FCHSD2: variants seen among roughly 807,000 people sequenced by gnomAD.
FCHSD2 encodes FCH and double SH3 domains 2, also known as F-BAR and double SH3 domains protein 2.
FCHSD2 carries 38 observed loss-of-function variants against 108.1 expected under a neutral mutation model. That is an observed-to-expected ratio of 0.35 (90% CI 0.27 to 0.46). The LOEUF (loss-of-function observed/expected upper bound fraction) is 0.46, where lower values mean the gene tolerates loss of function less well. Ranked by LOEUF, FCHSD2 falls within the 20% of genes least tolerant of loss-of-function variation. The pLI, the probability that FCHSD2 is intolerant of heterozygous loss-of-function variation, is 1.00. For missense variants in FCHSD2, 751 were observed against 897.8 expected (o/e 0.84, Z 2.09); for synonymous variants, 279 against 314.7 (o/e 0.89, Z 1.20).
At position 72,914,514 on chromosome 11, in the gene FCHSD2, A is replaced by G. The variant is rs369765858; in HGVS notation, c.828+7314T>C. On this transcript the variant is annotated intron_variant, in intron 9 of 19. Coordinates refer to ENST00000409418, the MANE Select transcript of FCHSD2 (RefSeq NM_014824.3). ...TATACCACAGGGCCACAGCAACCAAACAGCATGGTACTAGTACAACAGACA... is the reference window on the plus strand; with the variant it reads ...TATACCACAGGGCCACAGCAACCAAGCAGCATGGTACTAGTACAACAGACA... 4.6e-5 allele frequency among the ~76,000 whole-genome samples: 7 copies of G among 152,320 alleles called. No homozygotes were observed. In the South Asian group the frequency reaches 1.4e-3, roughly 32 times the overall value.
chr11:73,096,996 T>TTTTTTTTTTTTTA (rs1860100818), intron 2 of FCHSD2, among the ~76,000 whole-genome samples: 1 of 98,426 alleles, frequency 1.0e-5, no homozygotes, highest in Non-Finnish European at 2.0e-5. Flanking sequence ...GATTTTTTTT[T>TTTTTTTTTTTTTA]TTTTTTTTTT....
chr11:73,082,205 C>T (rs1418380014), intron 3 of FCHSD2, among the ~76,000 whole-genome samples: 2 of 151,662 alleles, frequency 1.3e-5, no homozygotes, highest in African/African-American at 2.4e-5. Flanking sequence ...GGCGTGATGG[C>T]GTGTGCCTGT....
chr11:73,104,601 C>T (rs1206958038), intron 2 of FCHSD2, among the ~76,000 whole-genome samples: 3 of 152,058 alleles, frequency 2.0e-5, no homozygotes, highest in African/African-American at 4.8e-5. Flanking sequence ...CAGACTCTCG[C>T]TCTGTCACCC....
At chr11:72,882,152 G>C (rs549369053) in intron 12 of FCHSD2, among the ~76,000 whole-genome samples, 2 of 141,830 alleles carry the variant, frequency 1.4e-5, no homozygotes, top group Non-Finnish European at 3.1e-5. Flanking sequence ...CAAAAAAAAA[G>C]AGAGCAGAGG....
At chr11:72,899,651 T>C (rs1855486315) in intron 10 of FCHSD2, among the ~76,000 whole-genome samples, 1 of 147,922 alleles carries the variant, frequency 6.8e-6, no homozygotes, top group East Asian at 2.0e-4. Flanking sequence ...GTGGAAGGAC[T>C]GCTCGAGCCC....
chr11:72,859,786 G>A (rs1042221323), intron 13 of FCHSD2, among the ~76,000 whole-genome samples: 8 of 152,092 alleles, frequency 5.3e-5, no homozygotes, highest in Admixed American at 2.6e-4. Context: ...GCACTAAAAA[G>A]GATTAGGAAA....
chr11:72,934,937 T>G (rs1233806652), intron 8 of FCHSD2, among the ~76,000 whole-genome samples: 4 of 152,174 alleles, frequency 2.6e-5, no homozygotes, highest in African/African-American at 9.7e-5. Flanking sequence ...AACAATTGAA[T>G]TTGAATGCCT....
chr11:72,998,620 G>A (rs897069289), intron 5 of FCHSD2, among the ~76,000 whole-genome samples: 1 of 151,938 alleles, frequency 6.6e-6, no homozygotes, highest in African/African-American at 2.4e-5. Flanking sequence ...AGTTAGGGAG[G>A]GATATTATAA....
chr11:72,895,030 A>G (rs1855389844), intron 10 of FCHSD2, among the ~76,000 whole-genome samples: 1 of 152,214 alleles, frequency 6.6e-6, no homozygotes, highest in Admixed American at 6.5e-5. Context: ...TATTTCAAAT[A>G]TGCCACACAC....
chr11:73,129,547 G>A (rs969748419), intron 2 of FCHSD2, among the ~76,000 whole-genome samples: 7 of 152,184 alleles, frequency 4.6e-5, no homozygotes, highest in Non-Finnish European at 1.0e-4. Flanking sequence ...CTGATGATCT[G>A]TCACTGTCTC....
At position 72,837,225 on chromosome 11, in the gene FCHSD2, T is replaced by C. The variant is rs1429181615; in HGVS notation, c.*1566A>G. 2 of 152,306 alleles carry C rather than the reference T, an allele frequency of 1.3e-5. No individual in the cohort carries two copies. Among genetic ancestry groups the C allele is most frequent in the African/African-American group, 4.8e-5 (2 of 41,370 alleles). 9.4% of individuals were successfully genotyped at this position (152,306 alleles called of 1,614,324 possible). On this transcript the variant is annotated 3_prime_UTR_variant, in exon 20 of 20. Transcript: ENST00000409418. Reference sequence around the variant, plus strand: ...TCAAATAGATCAACAGGTTAAGAAGTGTAAAAAACAACAACGAAAAAAAAC... The same window carrying C: ...TCAAATAGATCAACAGGTTAAGAAGCGTAAAAAACAACAACGAAAAAAAAC...
chr11:72,867,198 T>C (rs1259534378), intron 13 of FCHSD2, among the ~76,000 whole-genome samples: 1 of 152,202 alleles, frequency 6.6e-6, no homozygotes, highest in Non-Finnish European at 1.5e-5. Context: ...TTAGTCTGAC[T>C]AGCAAGGCAT....
chr11:72,903,441 G>A (rs886796522), intron 9 of FCHSD2, among the ~76,000 whole-genome samples: 1 of 151,998 alleles, frequency 6.6e-6, no homozygotes, highest in Non-Finnish European at 1.5e-5. Flanking sequence ...GGATGGTCTC[G>A]ATCTCCTGAC....
chr11:73,037,664 G>A (rs1196900824), intron 3 of FCHSD2, among the ~76,000 whole-genome samples: 1 of 152,078 alleles, frequency 6.6e-6, no homozygotes. Context: ...TTATGAATGT[G>A]GCCATTTAAT....
chr11:72,910,626 C>G (rs1446593380), intron 9 of FCHSD2, among the ~76,000 whole-genome samples: 1 of 152,094 alleles, frequency 6.6e-6, no homozygotes, highest in Non-Finnish European at 1.5e-5. Context: ...CTGAAGGCAG[C>G]ATGCTCGTTA....
In FCHSD2 at chr11:73,044,304, G is replaced by A. The variant is rs553684730; in HGVS notation, c.166-28419C>T. 1.2e-4 allele frequency among the ~76,000 whole-genome samples: 19 copies of A among 152,286 alleles called. No homozygotes were observed. In the South Asian group the frequency reaches 3.9e-3, roughly 32 times the overall value. The stretch of plus-strand genomic sequence containing the variant: ...ATATTTCCAAAGTCAGAGGCTGAGT[G>A]TGGTGTCTTATATCTGTAATCCCAA... On this transcript the variant is annotated intron_variant, in intron 3 of 19. Coordinates refer to ENST00000409418, the MANE Select transcript of FCHSD2 (RefSeq NM_014824.3).
intron 5 of FCHSD2, among the ~76,000 whole-genome samples, chr11:72,996,968 C>T (rs949764459): frequency 6.6e-6 from 1 of 152,072 alleles, no homozygotes; most frequent in Non-Finnish European, 1.5e-5. Context: ...GGCATTTTTA[C>T]GAGACTGGGG....
At chr11:73,057,284 C>T (rs1180267787) in intron 3 of FCHSD2, among the ~76,000 whole-genome samples, 4 of 151,916 alleles carry the variant, frequency 2.6e-5, no homozygotes, top group South Asian at 4.2e-4. Context: ...TACACAGGTT[C>T]GAAGCATGGG....
intron 8 of FCHSD2, among the ~76,000 whole-genome samples, chr11:72,967,473 T>G (rs1591442792): frequency 1.3e-5 from 2 of 152,140 alleles, no homozygotes; most frequent in African/African-American, 4.8e-5. Flanking sequence ...ACAACATGAA[T>G]GAACCTTGAA....
Sources: gnomAD v4.1 joint callset for allele counts (sites outside exome capture counted in the v4.1 genomes callset) on GRCh38, gnomAD v4.1.1 for gene constraint, MANE v1.5 for transcripts, NCBI Gene and HGNC (gene_info 2026-07-23, HGNC 2026-07-21) for gene names.